Variants in ADAMTS3 observed in about 807,000 individuals in gnomAD.
ADAMTS3 encodes the protein A disintegrin and metalloproteinase with thrombospondin motifs 3.
ADAMTS3 carries 73 observed loss-of-function variants against 129.0 expected under a neutral mutation model. That is an observed-to-expected ratio of 0.57 (90% CI 0.47 to 0.69). The LOEUF (loss-of-function observed/expected upper bound fraction) is 0.69, where lower values mean the gene tolerates loss of function less well. ADAMTS3 is among the 30% of genes least tolerant of loss of function. The probability of loss-of-function intolerance (pLI) is 0.00; values close to 1 mark genes in which losing one functional copy is unlikely to be tolerated. For synonymous variants in ADAMTS3, 477 were observed against 510.8 expected, an observed-to-expected ratio of 0.93 and a Z score of 0.89; for missense variants, 1,457 against 1,514.5, an observed-to-expected ratio of 0.96 and a Z score of 0.63.
intron 2 of ADAMTS3, among the ~76,000 whole-genome samples, chr4:72,549,654 T>A (rs1721558270): frequency 6.6e-6 from 1 of 152,004 alleles, no homozygotes; most frequent in African/African-American, 2.4e-5. Flanking sequence ...TACTGGTTAG[T>A]CAAGAGGGAA....
rs1271336303 is a variant in ADAMTS3, at chr4:72,548,665, G to A, written c.317C>T (p.Ala106Val). 1 of 1,613,854 alleles carries A rather than the reference G, an allele frequency of 6.2e-7. No individual in the cohort carries two copies. Among genetic ancestry groups the A allele is most frequent in the African/African-American group, 1.3e-5 (1 of 74,894 alleles). Residue 106 changes from alanine to valine, a missense_variant, in exon 3 of 22, where the codon GCT becomes GTT. By Grantham distance (64) the Ala-to-Val change is moderately conservative. Transcript: ENST00000286657. The stretch of plus-strand genomic sequence containing the variant: ...AGATGTCTCATGCCACTCCACAACA[G>A]CCCCAGGAGCTACTAGTTGAGTGTT... ...KPNTQLVAPG[A>V]VVEWHETSLV...
At position 72,468,082 on chromosome 4, in the gene ADAMTS3, G is replaced by A. The variant is rs1367229599; in HGVS notation, c.505-53111C>T. 2.0e-5 allele frequency among the ~76,000 whole-genome samples: 3 copies of A among 151,998 alleles called. No homozygotes were observed. In the East Asian group the frequency reaches 5.8e-4, roughly 29 times the overall value. On this transcript the variant is annotated intron_variant, in intron 3 of 21. Coordinates refer to ENST00000286657, the MANE Select transcript of ADAMTS3 (RefSeq NM_014243.3). ...TGTATTATTTCACTAATCCTTCAGA[G>A]GTTTTCAGTCTGAAAAAAAAATTTC...
At chr4:72,353,393 T>C (rs1483445452) in intron 4 of ADAMTS3, among the ~76,000 whole-genome samples, 1 of 152,006 alleles carries the variant, frequency 6.6e-6, no homozygotes, top group Non-Finnish European at 1.5e-5. Flanking sequence ...ATGGCAAATA[T>C]GGTTATGGAG....
chr4:72,458,651 A>C (rs1718687191), intron 3 of ADAMTS3, among the ~76,000 whole-genome samples: 1 of 151,604 alleles, frequency 6.6e-6, no homozygotes, highest in Non-Finnish European at 1.5e-5. Flanking sequence ...TGAATTCAAA[A>C]AAAAACACAG....
intron 21 of ADAMTS3, among the ~76,000 whole-genome samples, chr4:72,286,919 C>A (rs1013954598): frequency 2.0e-5 from 3 of 151,830 alleles, no homozygotes; most frequent in African/African-American, 7.3e-5. Flanking sequence ...AAGAGACAGA[C>A]ACAAGGAGTA....
intron 3 of ADAMTS3, among the ~76,000 whole-genome samples, chr4:72,479,454 T>C (rs1184332991): frequency 1.3e-5 from 2 of 152,218 alleles, no homozygotes; most frequent in Non-Finnish European, 2.9e-5. Context: ...AAGGATTCCC[T>C]ATTTAATAAA....
rs557224900 is a variant in ADAMTS3, at chr4:72,453,904, AT to A, written c.505-38934del. 3.6e-3 allele frequency among the ~76,000 whole-genome samples: 532 copies of A among 148,282 alleles called. 3 individuals are homozygous for A. The highest frequency in any genetic ancestry group is 0.012 in the African/African-American group (486 of 40,696). On this transcript the variant is annotated intron_variant, in intron 3 of 21. Coordinates refer to ENST00000286657, the MANE Select transcript of ADAMTS3 (RefSeq NM_014243.3). ...TATACTATATTATATTATATGTAAA[AT>A]ATATATATATATATGTATACATAGG... is the stretch of plus-strand genomic sequence containing the variant.
chr4:72,351,650 C>T (rs866004554), intron 4 of ADAMTS3, among the ~76,000 whole-genome samples: 33 of 150,110 alleles, frequency 2.2e-4, no homozygotes, highest in Middle Eastern at 3.5e-3. Flanking sequence ...AATGTATTTA[C>T]GGGAAGAAAC....
At chr4:72,441,725 G>A (rs183990697) in intron 3 of ADAMTS3, 13 of 151,832 alleles carry the variant, frequency 8.6e-5, no homozygotes, top group African/African-American at 2.2e-4. Flanking sequence ...AAACAGAGCT[G>A]GTGTTGGTTT....
chr4:72,414,911 G>T lies in ADAMTS3; in HGVS notation c.565C>A (p.Gln189Lys). Reference sequence around the variant, plus strand: ...ATCCTTCCTTTTTCTTCCTCCATCTGTTTACCTCTTTCCAAGGGTTCAATG... The same window carrying T: ...ATCCTTCCTTTTTCTTCCTCCATCTTTTTACCTCTTTCCAAGGGTTCAATG... ...YFIEPLERGK[Q>K]MEEEKGRIHV... The change falls in exon 4 of 22, where the codon CAG becomes AAG. Residue 189 changes from glutamine (Q) to lysine (K), a missense_variant. Gln to Lys is a moderately conservative substitution (Grantham distance 53). Transcript: ENST00000286657. 1.9e-6 allele frequency: 3 copies of T among 1,581,556 alleles called. No individual in the cohort carries two copies. Among genetic ancestry groups the T allele is most frequent in the Admixed American group, 1.8e-5 (1 of 54,500 alleles).
chr4:72,406,443 T>C (rs868610236), intron 4 of ADAMTS3, among the ~76,000 whole-genome samples: 3 of 152,210 alleles, frequency 2.0e-5, no homozygotes, highest in Non-Finnish European at 4.4e-5. Context: ...AGAATTAATA[T>C]GTACCACAAT....
At chr4:72,513,969 A>T (rs1237271476) in intron 3 of ADAMTS3, among the ~76,000 whole-genome samples, 2 of 152,170 alleles carry the variant, frequency 1.3e-5, no homozygotes, top group African/African-American at 4.8e-5. Flanking sequence ...TTCACTGAGG[A>T]TAAATATTAT....
At position 72,306,029 on chromosome 4, in the gene ADAMTS3, G is replaced by T. The variant is rs1411610290; in HGVS notation, c.2218C>A (p.His740Asn). ...KMFDIPPGAR[H>N]VLIQEDEASP... is the part of the protein sequence containing the mutation. Reference sequence around the variant, plus strand: ...GCCTCGTCTTCTTGGATTAACACATGTCTAGCCCCAGGGGGTATATCAAAC... The same window carrying T: ...GCCTCGTCTTCTTGGATTAACACATTTCTAGCCCCAGGGGGTATATCAAAC... The change falls in exon 16 of 22, where the codon CAT (histidine) becomes AAT (asparagine). Residue 740 changes from histidine (H) to asparagine (N), a missense_variant. Coordinates refer to ENST00000286657, the MANE Select transcript of ADAMTS3 (RefSeq NM_014243.3). 6.2e-7 allele frequency: 1 copy of T among 1,611,376 alleles called. No individual in the cohort carries two copies. The highest frequency in any genetic ancestry group is 1.1e-5 in the South Asian group (1 of 90,758).
intron 4 of ADAMTS3, among the ~76,000 whole-genome samples, chr4:72,378,143 T>G (rs982840610): frequency 6.6e-6 from 1 of 152,202 alleles, no homozygotes; most frequent in Non-Finnish European, 1.5e-5. Flanking sequence ...GACATGTTTC[T>G]TGCTAAAATT....
At chr4:72,494,149 T>C (rs1490183847) in intron 3 of ADAMTS3, among the ~76,000 whole-genome samples, 2 of 152,188 alleles carry the variant, frequency 1.3e-5, no homozygotes, top group Non-Finnish European at 2.9e-5. Context: ...AGATATTAAT[T>C]CTTTAAATAA....
intron 4 of ADAMTS3, among the ~76,000 whole-genome samples, chr4:72,392,294 G>C (rs1267481107): frequency 6.6e-6 from 1 of 152,038 alleles, no homozygotes; most frequent in Non-Finnish European, 1.5e-5. Flanking sequence ...CAAGAGGAAG[G>C]GCAAGCATAC....
At chr4:72,486,314 T>C (rs967314640) in intron 3 of ADAMTS3, among the ~76,000 whole-genome samples, 1 of 152,218 alleles carries the variant, frequency 6.6e-6, no homozygotes, top group Non-Finnish European at 1.5e-5. Context: ...ATTTTCATCA[T>C]TGTAGTAAGT....
intron 3 of ADAMTS3, among the ~76,000 whole-genome samples, chr4:72,422,915 T>G (rs957303195): frequency 6.6e-6 from 1 of 152,184 alleles, no homozygotes; most frequent in African/African-American, 2.4e-5. Context: ...TATATGTCTA[T>G]AATAATAAAA....
chr4:72,563,484 T>C (rs557766938), intron 2 of ADAMTS3, among the ~76,000 whole-genome samples: 2 of 152,198 alleles, frequency 1.3e-5, no homozygotes, highest in African/African-American at 2.4e-5. Context: ...GGGCAAATGA[T>C]CCCAAGTAGG....
Sources: allele counts gnomAD v4.1 joint callset (sites outside exome capture counted in the v4.1 genomes callset), GRCh38; gene constraint gnomAD v4.1.1; transcripts MANE v1.5; gene names NCBI Gene and HGNC (gene_info 2026-07-23, HGNC 2026-07-21).